Variants in CWH43 observed in about 807,000 individuals in gnomAD.
CWH43 encodes PGAP2-interacting protein.
Under a neutral mutation model 85.7 loss-of-function variants are expected in CWH43, and 91 were observed. That is an observed-to-expected ratio of 1.06 (90% CI 0.90 to 1.26). CWH43 has a LOEUF of 1.26. Among genes scored for constraint, CWH43 ranks in the 50% most tolerant of loss-of-function variants. The pLI, the probability that CWH43 is intolerant of heterozygous loss-of-function variation, is 0.00. For missense variants in CWH43, 869 were observed against 839.2 expected (o/e 1.04, Z -0.44); for synonymous variants, 323 against 293.6 (o/e 1.10, Z -1.02).
intron 12 of CWH43, among the ~76,000 whole-genome samples, chr4:49,036,049 G>T (rs1448566953): frequency 6.6e-6 from 1 of 152,186 alleles, no homozygotes; most frequent in Non-Finnish European, 1.5e-5. Context: ...CCTGCCTTAA[G>T]GCCGAAGGAA....
At chr4:49,019,483 G>C (rs1783670663) in intron 9 of CWH43, among the ~76,000 whole-genome samples, 1 of 152,144 alleles carries the variant, frequency 6.6e-6, no homozygotes, top group Non-Finnish European at 1.5e-5. Flanking sequence ...GGCTGGGGAG[G>C]GCCATACCAG....
At chr4:49,015,242 T>C (rs1353186303) in intron 8 of CWH43, among the ~76,000 whole-genome samples, 1 of 152,020 alleles carries the variant, frequency 6.6e-6, no homozygotes, top group Non-Finnish European at 1.5e-5. Flanking sequence ...TTCTTTTTGA[T>C]ATTTTTTTCA....
intron 9 of CWH43, among the ~76,000 whole-genome samples, chr4:49,020,289 G>T (rs116161012): frequency 2.8e-4 from 42 of 151,554 alleles, no homozygotes; most frequent in Non-Finnish European, 5.4e-4. Context: ...TTCCATTCCC[G>T]AGTCACTTCA....
intron 15 of CWH43, among the ~76,000 whole-genome samples, chr4:49,059,056 C>G (rs1434743874): frequency 1.3e-5 from 2 of 152,070 alleles, no homozygotes; most frequent in African/African-American, 4.8e-5. Context: ...TAAGCTTTCT[C>G]TCCCTTTTTC....
In CWH43 at chr4:49,019,243, G is replaced by T. The variant is rs189249428; in HGVS notation, c.1266+1915G>T. On this transcript the variant is annotated intron_variant, in intron 9 of 15. Transcript: ENST00000226432. ...GATCAAGCTGCCATGAAGGAAACAG[G>T]ATTGTAGAATGGAGGGTAACTGGGT... is the stretch of plus-strand genomic sequence containing the variant. Among the ~76,000 whole-genome samples the T allele has an allele frequency of 4.6e-5, 7 of 152,298 alleles. No individual in the cohort carries two copies. In the South Asian group the frequency reaches 1.2e-3, roughly 27 times the overall value.
chr4:49,039,761 A>G (rs1784398381), intron 13 of CWH43, among the ~76,000 whole-genome samples: 1 of 151,508 alleles, frequency 6.6e-6, no homozygotes, highest in Non-Finnish European at 1.5e-5. Context: ...TATTATTATT[A>G]TACTTTAAGT....
At chr4:49,012,041 TC>T (rs1299934554) in intron 8 of CWH43, among the ~76,000 whole-genome samples, 1 of 152,184 alleles carries the variant, frequency 6.6e-6, no homozygotes, top group Non-Finnish European at 1.5e-5. Flanking sequence ...TTGGGGAAGT[TC>T]TTCTGGATAA....
Position 49,047,941 on chromosome 4 carries a change from A to G in CWH43, c.1866-2753A>G, listed in dbSNP as rs538000204. 2.6e-5 allele frequency among the ~76,000 whole-genome samples: 4 copies of G among 152,348 alleles called. No individual in the cohort carries two copies. In the East Asian group the frequency reaches 5.8e-4, roughly 22 times the overall value. On this transcript the variant is annotated intron_variant, in intron 14 of 15. Transcript: ENST00000226432. Reference sequence around the variant, plus strand: ...CTCTAAAAGGAGCATCACATGCCCAAATAGCTGTGGAACAGATAGCTTGAC... The same window carrying G: ...CTCTAAAAGGAGCATCACATGCCCAGATAGCTGTGGAACAGATAGCTTGAC...
rs533117653 is a variant in CWH43, at chr4:49,020,141, T to C, written c.1266+2813T>C. Among the ~76,000 whole-genome samples, 90 of 152,228 alleles carry C rather than the reference T, an allele frequency of 5.9e-4. No homozygotes were observed. In the South Asian group the frequency reaches 0.018, roughly 31 times the overall value. Reference sequence around the variant, plus strand: ...GTTTAACTGTACCCAATTTGTAGTCTTTTATTCCTCACTCCCTCCCACCCT... The same window carrying C: ...GTTTAACTGTACCCAATTTGTAGTCCTTTATTCCTCACTCCCTCCCACCCT... On this transcript the variant is annotated intron_variant, in intron 9 of 15. Transcript: ENST00000226432.
intron 15 of CWH43, among the ~76,000 whole-genome samples, chr4:49,055,479 T>A (rs142456385): frequency 0.012 from 1,756 of 152,298 alleles, 29 homozygotes; most frequent in African/African-American, 0.036. Context: ...TGTAGCATCC[T>A]TGTCTGGCTT....
chr4:49,013,009 C>T (rs780952453), intron 8 of CWH43, among the ~76,000 whole-genome samples: 4 of 152,234 alleles, frequency 2.6e-5, no homozygotes, highest in Non-Finnish European at 4.4e-5. Context: ...GCTGGGAGAA[C>T]CACTGCTCTC....
chr4:48,997,997 G>T (rs1782866991), intron 5 of CWH43, among the ~76,000 whole-genome samples: 1 of 152,070 alleles, frequency 6.6e-6, no homozygotes, highest in African/African-American at 2.4e-5. Context: ...ATAGTTTGTG[G>T]TTGTTTTAAA....
At chr4:48,993,147 G>A (rs1782708819) in intron 4 of CWH43, among the ~76,000 whole-genome samples, 1 of 152,068 alleles carries the variant, frequency 6.6e-6, no homozygotes, top group Non-Finnish European at 1.5e-5. Context: ...TCTGCTCTGT[G>A]CCTTCCTTTA....
intron 8 of CWH43, among the ~76,000 whole-genome samples, chr4:49,008,171 G>C (rs1783228513): frequency 6.6e-6 from 1 of 152,116 alleles, no homozygotes; most frequent in Non-Finnish European, 1.5e-5. Context: ...ATTCTAACTG[G>C]TGTGAGATGG....
At chr4:48,991,390 G>A (rs1337555241) in intron 2 of CWH43, 64 bp from the exon 3 acceptor site, 1 of 1,583,620 alleles carries the variant, frequency 6.3e-7, no homozygotes, top group Non-Finnish European at 8.6e-7. Context: ...TGCATCAAAT[G>A]CAGATCACGG....
chr4:49,030,925 A>G lies in CWH43; in HGVS notation c.1473A>G (p.Thr491=), dbSNP rs774360137. The G allele has an allele frequency of 1.2e-6, 2 of 1,609,898 alleles. No homozygotes were observed. Among genetic ancestry groups the G allele is most frequent in the South Asian group, 1.1e-5 (1 of 90,492 alleles). Residue 491 remains threonine, a synonymous_variant, in exon 11 of 16, where the codon ACA becomes ACG. Coordinates refer to ENST00000226432, the MANE Select transcript of CWH43 (RefSeq NM_025087.3). ...TAGGGGAAAAGTTGGGTTTCTATAC[A>G]GACTTTGGTCCAAGCACAAGGTATC... ...MWLGEKLGFY[T]DFGPSTRYHT...
At chr4:49,003,584 C>A in intron 6 of CWH43, 151 bp from the exon 7 acceptor site, 1 of 723,548 alleles carries the variant, frequency 1.4e-6, no homozygotes, top group Non-Finnish European at 2.3e-6. Context: ...TTAGGCAAAT[C>A]ACATTAACCT....
rs1783990151 is a variant in CWH43 at position 49,028,477 on chromosome 4, C to T, written c.1267-152C>T. The T allele has an allele frequency of 5.4e-6, 3 of 558,114 alleles. No homozygotes were observed. In the Admixed American group the frequency reaches 1.0e-4, roughly 19 times the overall value. The allele number at this position is 558,114 out of a possible 1,614,324, so 34.6% of individuals were successfully genotyped here. A position where few individuals can be genotyped will look rare whatever the true frequency, so the allele number is the denominator to read the frequency against. ...TTTGAGAATGCCATATAGCAAATAT[C>T]TCCTTATTTTCATGGATTAAATGTG... On this transcript the variant is annotated intron_variant, in intron 9 of 15. Transcript: ENST00000226432.
chr4:49,018,923 C>T (rs575115318), intron 9 of CWH43, among the ~76,000 whole-genome samples: 15 of 152,318 alleles, frequency 9.8e-5, no homozygotes, highest in African/African-American at 3.6e-4. Flanking sequence ...TCATTACATG[C>T]TCCTTTAACT....
Sources: allele counts gnomAD v4.1 joint callset (sites outside exome capture counted in the v4.1 genomes callset), GRCh38; gene constraint gnomAD v4.1.1; transcripts MANE v1.5; gene names NCBI Gene and HGNC (gene_info 2026-07-23, HGNC 2026-07-21).